Variants in ZNF728 observed in about 807,000 individuals in gnomAD.
ZNF728 encodes the protein zinc finger protein 728.
ZNF728 carries 12 observed loss-of-function variants against 12.5 expected under a neutral mutation model. The ratio of observed to expected loss-of-function variants is 0.96; its 90% CI spans 0.61 to 1.55. ZNF728 has a LOEUF of 1.55. Among genes scored for constraint, ZNF728 ranks in the 40% most tolerant of loss-of-function variants. ZNF728 has a pLI of 0.00. For synonymous variants in ZNF728, 205 were observed against 240.7 expected, an observed-to-expected ratio of 0.85 and a Z score of 1.37; for missense variants, 692 against 719.2, an observed-to-expected ratio of 0.96 and a Z score of 0.43.
chr19:22,989,492 C>T (rs537445079), intron 1 of ZNF728, among the ~76,000 whole-genome samples: 9 of 152,102 alleles, frequency 5.9e-5, no homozygotes, highest in South Asian at 2.1e-4. Context: ...AGATACTTAA[C>T]GATGAACAGA....
chr19:22,988,722 CAT>C (rs1329468090), intron 1 of ZNF728, among the ~76,000 whole-genome samples: 1 of 152,142 alleles, frequency 6.6e-6, no homozygotes, highest in Admixed American at 6.5e-5. Context: ...TAAACACTAA[CAT>C]GTACAATTTT....
At chr19:22,998,868 A>G (rs2145355196) in intron 1 of ZNF728, among the ~76,000 whole-genome samples, 1 of 152,344 alleles carries the variant, frequency 6.6e-6, no homozygotes, top group Admixed American at 6.5e-5. Flanking sequence ...TTACTTACCT[A>G]ATACACAGCC....
intron 3 of ZNF728, among the ~76,000 whole-genome samples, chr19:22,983,458 A>G (rs772797904): frequency 2.0e-5 from 3 of 152,204 alleles, no homozygotes; most frequent in African/African-American, 4.8e-5. Context: ...TGATTCCTCA[A>G]GGATCTAGAA....
At chr19:23,001,739 A>G (rs1236225471) in intron 1 of ZNF728, among the ~76,000 whole-genome samples, 3 of 152,248 alleles carry the variant, frequency 2.0e-5, no homozygotes, top group Admixed American at 2.0e-4. Context: ...TTGTCAAAAA[A>G]TGATTAAAAT....
At chr19:22,984,275 A>C (rs1968890978) in intron 3 of ZNF728, among the ~76,000 whole-genome samples, 1 of 152,016 alleles carries the variant, frequency 6.6e-6, no homozygotes. Context: ...AAAAAAAAAT[A>C]TGCCAGGCAT....
rs564670385 is a variant in ZNF728 at position 22,979,096 on chromosome 19, C to G, written c.227-1986G>C. 7.2e-5 allele frequency among the ~76,000 whole-genome samples: 11 copies of G among 152,224 alleles called. No homozygotes were observed. The East Asian group carries it at 2.1e-3, about 30-fold the overall frequency. The stretch of plus-strand genomic sequence containing the variant: ...AAAGGAGCATGCTCTAACCCAATGC[C>G]AGGAAGCTAAGAACCTTGAAAAGAG... On this transcript the variant is annotated intron_variant, in intron 3 of 3. Transcript: ENST00000594710.
chr19:22,988,950 C>T (rs1968951067), intron 1 of ZNF728, among the ~76,000 whole-genome samples: 1 of 146,810 alleles, frequency 6.8e-6, no homozygotes, highest in African/African-American at 2.5e-5. Context: ...ACTTGGGAGG[C>T]TGAGGCAGGA....
At chr19:23,000,188 T>G (rs1370328649) in intron 1 of ZNF728, among the ~76,000 whole-genome samples, 2 of 151,846 alleles carry the variant, frequency 1.3e-5, no homozygotes, top group African/African-American at 4.8e-5. Flanking sequence ...CTAACATGGC[T>G]AATATGGCGA....
intron 1 of ZNF728, among the ~76,000 whole-genome samples, chr19:22,998,316 T>C (rs1251636781): frequency 6.6e-6 from 1 of 151,540 alleles, no homozygotes; most frequent in African/African-American, 2.4e-5. Context: ...GCTCAGGAGT[T>C]TGAGACCGGC....
At chr19:22,984,460 G>T (rs1218105850) in intron 3 of ZNF728, among the ~76,000 whole-genome samples, 8 of 151,332 alleles carry the variant, frequency 5.3e-5, no homozygotes, top group African/African-American at 1.9e-4. Context: ...TCAGGAGGCT[G>T]AGGCAAAGGA....
At position 22,976,681 on chromosome 19, in the gene ZNF728, T is replaced by C; in HGVS notation, c.656A>G (p.Lys219Arg). 1 of 1,613,234 alleles carries C rather than the reference T, an allele frequency of 6.2e-7. No individual in the cohort carries two copies. Among genetic ancestry groups the C allele is most frequent in the Non-Finnish European group, 8.5e-7 (1 of 1,179,818 alleles). Residue 219 changes from lysine (K) to arginine (R), a missense_variant, in exon 4 of 4, where the codon AAG becomes AGG. Physicochemically the swap from Lys to Arg is conservative, Grantham distance 26. Transcript: ENST00000594710. ...AFNWSSALTY[K>R]RIHTGEKPCK... is the part of the protein sequence containing the mutation. Reference sequence around the variant, plus strand: ...GGGTTTCTCTCCAGTATGAATTCTCTTATAAGTAAGGGCTGAGGACCAGTT... The same window carrying C: ...GGGTTTCTCTCCAGTATGAATTCTCCTATAAGTAAGGGCTGAGGACCAGTT...
Position 22,976,810 on chromosome 19 carries a change from T to C in ZNF728, c.527A>G (p.Lys176Arg). 6.2e-7 allele frequency: 1 copy of C among 1,613,478 alleles called. No individual in the cohort carries two copies. The highest frequency in any genetic ancestry group is 1.1e-5 in the South Asian group (1 of 91,070). ...CATGCAAAATGATCTGACATATTCTTTACATTTCAAAAGTTTCTTTCCAGT... is the reference window on the plus strand; with the variant it reads ...CATGCAAAATGATCTGACATATTCTCTACATTTCAAAAGTTTCTTTCCAGT... ...RHTGKKLLKC[K>R]EYVRSFCMLS... is the part of the protein sequence containing the mutation. Residue 176 changes from lysine to arginine, a missense_variant, in exon 4 of 4, where the codon AAA becomes AGA. By Grantham distance (26) the Lys-to-Arg change is conservative (BLOSUM62 2). Around this residue, in one of 3 missense-constraint regions of ZNF728, gnomAD observed 440 missense variants for 459.6 expected, o/e 0.96. Coordinates refer to ENST00000594710, the MANE Select transcript of ZNF728 (RefSeq NM_001267716.2).
At chr19:23,001,950 G>A (rs1969117993) in intron 1 of ZNF728, among the ~76,000 whole-genome samples, 1 of 152,158 alleles carries the variant, frequency 6.6e-6, no homozygotes, top group Non-Finnish European at 1.5e-5. Flanking sequence ...GCAGTTCCCT[G>A]TGGGGTGTGA....
chr19:22,976,694 C>A lies in ZNF728; in HGVS notation c.643G>T (p.Ala215Ser), dbSNP rs578218501. The A allele has an allele frequency of 6.2e-7, 1 of 1,613,044 alleles. No homozygotes were observed. Among genetic ancestry groups the A allele is most frequent in the African/African-American group, 1.3e-5 (1 of 75,018 alleles). Residue 215 changes from alanine to serine, a missense_variant, in exon 4 of 4, where the codon GCC becomes TCC. Physicochemically the swap from Ala to Ser is moderately conservative, Grantham distance 99. This residue lies in a region of ZNF728 where 440 missense variants were observed against 459.6 expected (regional missense o/e 0.96). Transcript: ENST00000594710. ...EHGKAFNWSS[A>S]LTYKRIHTGE... The stretch of plus-strand genomic sequence containing the variant: ...GTATGAATTCTCTTATAAGTAAGGG[C>A]TGAGGACCAGTTAAAGGCTTTGCCA...
At chr19:22,988,653 C>T (rs1968946794) in intron 1 of ZNF728, among the ~76,000 whole-genome samples, 3 of 152,134 alleles carry the variant, frequency 2.0e-5, no homozygotes, top group Admixed American at 1.3e-4. Flanking sequence ...GGTATAAGAT[C>T]CATAACATCA....
rs1463387646 is a variant in ZNF728, at chr19:22,977,040, T to C, written c.297A>G (p.Ile99Met). Reference protein sequence around the residue: ...QGREDSFQKVILRRYEKCGHE... With the variant: ...QGREDSFQKVMLRRYEKCGHE... ...GTCCACATTTTTCATATCTTCTCAA[T>C]ATCACTTTTTGGAAAGAATCTTCTC... The change falls in exon 4 of 4, where the codon ATA becomes ATG. Residue 99 changes from isoleucine to methionine, a missense_variant. By Grantham distance (10) the Ile-to-Met change is conservative (BLOSUM62 1). Transcript: ENST00000594710. 1 of 1,613,034 alleles carries C rather than the reference T, an allele frequency of 6.2e-7. No individual in the cohort carries two copies. The highest frequency in any genetic ancestry group is 1.1e-5 in the South Asian group (1 of 90,980).
intron 1 of ZNF728, among the ~76,000 whole-genome samples, chr19:22,993,191 G>T (rs1969009229): frequency 6.6e-6 from 1 of 152,132 alleles, no homozygotes; most frequent in Non-Finnish European, 1.5e-5. Flanking sequence ...GATGTGAAAA[G>T]GTCAAAAAGC....
At chr19:22,995,829 C>T (rs891957457) in intron 1 of ZNF728, 21 of 152,304 alleles carry the variant, frequency 1.4e-4, no homozygotes, top group Admixed American at 7.8e-4. Flanking sequence ...ATATATCTGA[C>T]AACTTCCAGT....
chr19:22,979,998 C>T (rs1404542606), intron 3 of ZNF728, among the ~76,000 whole-genome samples: 1 of 152,078 alleles, frequency 6.6e-6, no homozygotes, highest in Non-Finnish European at 1.5e-5. Flanking sequence ...GGATGAAATT[C>T]ACACATAACA....
Sources: gnomAD v4.1 joint callset for allele counts (sites outside exome capture counted in the v4.1 genomes callset) on GRCh38, gnomAD v4.1.1 for gene constraint, gnomAD v4.1.1 regional missense constraint, MANE v1.5 for transcripts, NCBI Gene and HGNC (gene_info 2026-07-23, HGNC 2026-07-21) for gene names.